The following DOCK8 variants were observed in gnomAD, a reference collection of about 807,000 sequenced individuals.
The protein encoded by DOCK8 is dedicator of cytokinesis protein 8.
DOCK8 carries 141 observed loss-of-function variants against 245.6 expected under a neutral mutation model. That is an observed-to-expected ratio of 0.57 (90% CI 0.50 to 0.66). The LOEUF (loss-of-function observed/expected upper bound fraction) is 0.66, where lower values mean the gene tolerates loss of function less well. Among genes scored for constraint, DOCK8 ranks in the 30% least tolerant of loss-of-function variants. The pLI, the probability that DOCK8 is intolerant of heterozygous loss-of-function variation, is 0.00. For missense variants in DOCK8, 2,965 were observed against 2,603.4 expected (o/e 1.14, Z -3.02); for synonymous variants, 1,168 against 970.2 (o/e 1.20, Z -3.79).
At chr9:387,304 A>T (rs569574996) in intron 23 of DOCK8, among the ~76,000 whole-genome samples, 5 of 152,114 alleles carry the variant, frequency 3.3e-5, no homozygotes, top group Admixed American at 3.3e-4. Flanking sequence ...CTAGCCGGGC[A>T]TGATGGCAGG....
chr9:339,327 C>G lies in DOCK8; in HGVS notation c.1516+228C>G, dbSNP rs533282450. On this transcript the variant is annotated intron_variant, in intron 13 of 47. Transcript: ENST00000432829. ...AGTAAACAAACCTTGTGCTTTAGAT[C>G]TGGTTTCTCAGATAATGAGATAATT... Among the ~76,000 whole-genome samples the G allele has an allele frequency of 4.5e-4, 69 of 152,246 alleles. 1 individual carries two copies. The highest frequency in any genetic ancestry group is 4.6e-4 in the Admixed American group (7 of 15,286).
Position 428,490 on chromosome 9 carries a change from C to A in DOCK8, c.4467C>A (p.Ile1489=), listed in dbSNP as rs375909670. ...THCFATLRAL[I]AKFGDLLFEE... ...GCTTTGCAACACTCCGTGCTCTCATCGCCAAGGTAAACTTGGGATGCTTGT... is the reference window on the plus strand; with the variant it reads ...GCTTTGCAACACTCCGTGCTCTCATAGCCAAGGTAAACTTGGGATGCTTGT... Residue 1489 remains isoleucine (I), a synonymous_variant, in exon 35 of 48, where the codon ATC becomes ATA. Coordinates refer to ENST00000432829, the MANE Select transcript of DOCK8 (RefSeq NM_203447.4). The A allele has an allele frequency of 2.5e-6, 4 of 1,614,188 alleles. No individual in the cohort carries two copies. In the African/African-American group the frequency reaches 5.3e-5, roughly 22 times the overall value.
intron 30 of DOCK8, among the ~76,000 whole-genome samples, chr9:418,897 G>T (rs1381293873): frequency 1.3e-5 from 2 of 151,734 alleles, no homozygotes; most frequent in Non-Finnish European, 2.9e-5. Context: ...CAAAAAAAAA[G>T]ACTGAAGGAG....
chr9:418,889 A>G (rs982336654), intron 30 of DOCK8, among the ~76,000 whole-genome samples: 3 of 96,722 alleles, frequency 3.1e-5, no homozygotes, highest in African/African-American at 1.3e-4. Flanking sequence ...AATGCCTCCA[A>G]AAAAAAAGAC....
chr9:234,238 G>A lies in DOCK8; in HGVS notation c.53+19209G>A, dbSNP rs148108680. On this transcript the variant is annotated intron_variant, in intron 1 of 47. Transcript: ENST00000432829. ...TGAATATTGGCCCCCACTCTCTTCTGGCTTGTAGAGTTTCTGCCAAGAGAT... is the reference window on the plus strand; with the variant it reads ...TGAATATTGGCCCCCACTCTCTTCTAGCTTGTAGAGTTTCTGCCAAGAGAT... 4.1e-3 allele frequency among the ~76,000 whole-genome samples: 625 copies of A among 152,296 alleles called. 4 individuals are homozygous for A. Among genetic ancestry groups the A allele is most frequent in the African/African-American group, 0.015 (604 of 41,554 alleles).
intron 9 of DOCK8, among the ~76,000 whole-genome samples, chr9:330,454 A>G (rs1412591671): frequency 1.3e-5 from 2 of 152,202 alleles, no homozygotes; most frequent in Non-Finnish European, 2.9e-5. Context: ...AGTTAAAAAA[A>G]CAACTTGGCA....
chr9:282,504 G>T (rs112667626), intron 2 of DOCK8, among the ~76,000 whole-genome samples: 3,609 of 146,986 alleles, frequency 0.025, 79 homozygotes, highest in South Asian at 0.059. Flanking sequence ...CTGCAGCCTC[G>T]AACTCCTGGG....
Position 276,134 on chromosome 9 carries a change from G to A in DOCK8, c.156+4405G>A, listed in dbSNP as rs7861315. On this transcript the variant is annotated intron_variant, in intron 2 of 47. Coordinates refer to ENST00000432829, the MANE Select transcript of DOCK8 (RefSeq NM_203447.4). Reference sequence around the variant, plus strand: ...TTGAACTTCTGACCTCAGGTGATCCGCCCGCCTCGGCCTCCCAAAGTGCTG... The same window carrying A: ...TTGAACTTCTGACCTCAGGTGATCCACCCGCCTCGGCCTCCCAAAGTGCTG... Among the ~76,000 whole-genome samples, 947 of 145,728 alleles carry A rather than the reference G, an allele frequency of 6.5e-3. 9 individuals carry two copies. Among genetic ancestry groups the A allele is most frequent in the African/African-American group, 0.022 (862 of 39,562 alleles).
chr9:425,517 C>A lies in DOCK8; in HGVS notation c.4242-1368C>A, dbSNP rs553000241. On this transcript the variant is annotated intron_variant, in intron 33 of 47. Coordinates refer to ENST00000432829, the MANE Select transcript of DOCK8 (RefSeq NM_203447.4). ...ACTGCACTCTGCACTCCAGCCTGGG[C>A]GACAGAGGGAGACTCCGTCTCAAAA... 2.6e-3 allele frequency among the ~76,000 whole-genome samples: 339 copies of A among 130,388 alleles called. 1 individual carries two copies. Among genetic ancestry groups the A allele is most frequent in the African/African-American group, 9.8e-3 (326 of 33,210 alleles). The allele number at this position is 130,388 out of a possible 152,430, so 85.5% of individuals were successfully genotyped here.
At chr9:214,470 T>G (rs1010037419), upstream of DOCK8, 3 of 1,581,474 alleles carry the variant, frequency 1.9e-6, no homozygotes, top group Non-Finnish European at 2.6e-6. Context: ...TTTGGCTGCC[T>G]TCTTCGAGAA....
chr9:221,817 G>T (rs1310815354), intron 1 of DOCK8, among the ~76,000 whole-genome samples: 1 of 150,152 alleles, frequency 6.7e-6, no homozygotes, highest in Non-Finnish European at 1.5e-5. Context: ...GTGAGACTCT[G>T]TCTCATTAAA....
chr9:384,687 C>T (rs944631130), intron 22 of DOCK8, among the ~76,000 whole-genome samples: 2 of 152,162 alleles, frequency 1.3e-5, no homozygotes, highest in Admixed American at 6.5e-5. Flanking sequence ...GAGGCTGAGG[C>T]GGGCAGATCA....
intron 15 of DOCK8, 73 bp downstream of exon 15, chr9:368,208 G>A: frequency 8.0e-7 from 1 of 1,251,144 alleles, no homozygotes; most frequent in Non-Finnish European, 1.2e-6. Flanking sequence ...ACAAGTCCGG[G>A]ACTCATCAGT....
chr9:276,465 G>A (rs111896999), intron 2 of DOCK8, among the ~76,000 whole-genome samples: 2 of 151,932 alleles, frequency 1.3e-5, no homozygotes, highest in Admixed American at 6.6e-5. Context: ...ATGACTATGT[G>A]TATAAACATT....
At chr9:222,048 C>G (rs547707587) in intron 1 of DOCK8, among the ~76,000 whole-genome samples, 2 of 151,862 alleles carry the variant, frequency 1.3e-5, no homozygotes, top group South Asian at 2.1e-4. Context: ...TCAGTTGAGC[C>G]CAGGAGTTCA....
chr9:333,339 C>A (rs915602707), intron 10 of DOCK8, among the ~76,000 whole-genome samples: 1 of 152,194 alleles, frequency 6.6e-6, no homozygotes, highest in Non-Finnish European at 1.5e-5. Flanking sequence ...TGGTGGCTCA[C>A]ACCTGTAATC....
chr9:386,947 A>G (rs138728434), intron 23 of DOCK8, among the ~76,000 whole-genome samples: 1 of 152,212 alleles, frequency 6.6e-6, no homozygotes. Context: ...CTTACCTATG[A>G]GTTCAGAAAC....
intron 4 of DOCK8, among the ~76,000 whole-genome samples, chr9:294,052 C>G (rs2049155143): frequency 6.6e-6 from 1 of 152,152 alleles, no homozygotes; most frequent in South Asian, 2.1e-4. Flanking sequence ...ATATTTTTCA[C>G]ATAAAGATAT....
At chr9:393,217 G>T (rs2054286660) in intron 24 of DOCK8, among the ~76,000 whole-genome samples, 1 of 151,704 alleles carries the variant, frequency 6.6e-6, no homozygotes, top group Non-Finnish European at 1.5e-5. Flanking sequence ...ATTCTGAGTG[G>T]TTCCATGTGG....
Sources: gnomAD v4.1 joint callset for allele counts (sites outside exome capture counted in the v4.1 genomes callset) on GRCh38, gnomAD v4.1.1 for gene constraint, MANE v1.5 for transcripts, NCBI Gene and HGNC (gene_info 2026-07-23, HGNC 2026-07-21) for gene names.